Variants in DNAH14 observed in about 807,000 individuals in gnomAD.
The protein encoded by DNAH14 is axonemal beta dynein heavy chain 14.
A neutral mutation model predicts 520.9 loss-of-function variants in DNAH14; 478 were observed. The ratio of observed to expected loss-of-function variants is 0.92; its 90% CI spans 0.85 to 0.99. The LOEUF is 0.99. Ranked by LOEUF, DNAH14 falls within the 50% of genes least tolerant of loss-of-function variation. The pLI, the probability that DNAH14 is intolerant of heterozygous loss-of-function variation, is 0.00. For synonymous variants in DNAH14, 1,581 were observed against 1,757.2 expected (o/e 0.90, Z 2.51); for missense variants, 4,831 against 5,234.5 (o/e 0.92, Z 2.38).
At chr1:225,392,553 C>T (rs2095933277) in intron 84 of DNAH14, 102 bp downstream of exon 84, 2 of 1,396,648 alleles carry the variant, frequency 1.4e-6, no homozygotes, top group African/African-American at 1.4e-5. Context: ...GCACTTACCA[C>T]ATGCCAGGCA....
intron 35 of DNAH14, among the ~76,000 whole-genome samples, chr1:225,159,832 AACTT>A (rs2081364550): frequency 6.6e-6 from 1 of 152,182 alleles, no homozygotes; most frequent in African/African-American, 2.4e-5. Context: ...ATTATGAAAA[AACTT>A]AAATTGTAAA....
At chr1:225,314,152 T>C (rs1238061870) in intron 60 of DNAH14, among the ~76,000 whole-genome samples, 1 of 152,222 alleles carries the variant, frequency 6.6e-6, no homozygotes, top group Non-Finnish European at 1.5e-5. Context: ...TTTAGGATAG[T>C]TAGCTCTTCT....
intron 55 of DNAH14, among the ~76,000 whole-genome samples, chr1:225,290,647 G>GTGTATATATA (rs1419920384): frequency 1.7e-5 from 1 of 57,570 alleles, no homozygotes; most frequent in Non-Finnish European, 3.2e-5. Context: ...GTGTGTGTGT[G>GTGTATATATA]TATATATATA....
chr1:225,374,145 C>CTATATATATATATAGATA (rs2095656299), intron 77 of DNAH14, among the ~76,000 whole-genome samples: 2 of 33,064 alleles, frequency 6.0e-5, no homozygotes, highest in Non-Finnish European at 1.0e-4. Context: ...TTGTGTCTTA[C>CTATATATATATATAGATA]TATATATATA....
intron 1 of DNAH14, among the ~76,000 whole-genome samples, chr1:224,936,821 A>G (rs1411445842): frequency 6.6e-6 from 1 of 151,982 alleles, no homozygotes; most frequent in African/African-American, 2.4e-5. Context: ...AATTCTCAAC[A>G]AAATTCTAGC....
At chr1:225,006,273 G>A (rs1379165182) in intron 9 of DNAH14, among the ~76,000 whole-genome samples, 2 of 152,124 alleles carry the variant, frequency 1.3e-5, no homozygotes, top group Non-Finnish European at 2.9e-5. Context: ...TGTACAAATT[G>A]TTTGTAAAAC....
At chr1:224,943,240 A>G in intron 1 of DNAH14, among the ~76,000 whole-genome samples, 1 of 152,166 alleles carries the variant, frequency 6.6e-6, no homozygotes, top group Middle Eastern at 3.2e-3. Flanking sequence ...GGGAGGGTGT[A>G]TGTGTCAAGG....
At chr1:225,329,190 A>AT (rs1417020210) in intron 64 of DNAH14, among the ~76,000 whole-genome samples, 1 of 152,174 alleles carries the variant, frequency 6.6e-6, no homozygotes, top group African/African-American at 2.4e-5. Flanking sequence ...ATCAGTGTAG[A>AT]TTTGACAAGG....
Position 225,290,105 on chromosome 1 carries a change from A to G in DNAH14, c.8469+23A>G, listed in dbSNP as rs2036497. Reference sequence around the variant, plus strand: ...CAAGTAAGTACTTTTTGTCTTTGCTATTTGCTGAAGTTTGATATCTATGTG... The same window carrying G: ...CAAGTAAGTACTTTTTGTCTTTGCTGTTTGCTGAAGTTTGATATCTATGTG... On this transcript the variant is annotated intron_variant, in intron 55 of 85. Coordinates refer to ENST00000682510, the MANE Select transcript of DNAH14 (RefSeq NM_001367479.1). 8.7e-3 allele frequency: 11,768 copies of G among 1,350,720 alleles called. 748 individuals are homozygous for G. In the African/African-American group the frequency reaches 0.14, roughly 16 times the overall value. 83.7% of individuals were successfully genotyped at this position (1,350,720 alleles called of 1,614,324 possible).
intron 36 of DNAH14, among the ~76,000 whole-genome samples, chr1:225,175,630 T>A (rs1285095384): frequency 4.0e-5 from 6 of 151,682 alleles, no homozygotes; most frequent in Non-Finnish European, 8.8e-5. Context: ...TATTCTCTCA[T>A]CTTTATTTTT....
intron 83 of DNAH14, among the ~76,000 whole-genome samples, chr1:225,390,332 G>A (rs961479762): frequency 6.6e-6 from 1 of 152,116 alleles, no homozygotes; most frequent in Non-Finnish European, 1.5e-5. Flanking sequence ...GTCCAGCAGC[G>A]AAGGCAGACA....
At chr1:224,930,512 C>A (rs945791639) in intron 1 of DNAH14, among the ~76,000 whole-genome samples, 4 of 152,130 alleles carry the variant, frequency 2.6e-5, no homozygotes, top group African/African-American at 9.7e-5. Flanking sequence ...TGCTGCCAGT[C>A]ATAAAAGAGT....
At chr1:225,257,903 ATG>A in intron 44 of DNAH14, 55 bp from the exon 45 acceptor site, 1 of 1,050,500 alleles carries the variant, frequency 9.5e-7, no homozygotes, top group East Asian at 2.8e-5. Flanking sequence ...AAAAAAAAAG[ATG>A]AGGTGAATAG....
At chr1:225,126,423 G>C (rs903916398) in intron 27 of DNAH14, among the ~76,000 whole-genome samples, 1 of 152,064 alleles carries the variant, frequency 6.6e-6, no homozygotes, top group African/African-American at 2.4e-5. Flanking sequence ...ACTTCTTCCT[G>C]GTTTAGTCTT....
intron 8 of DNAH14, among the ~76,000 whole-genome samples, chr1:224,982,500 G>A (rs1358380992): frequency 1.3e-5 from 2 of 152,154 alleles, no homozygotes; most frequent in Non-Finnish European, 1.5e-5. Flanking sequence ...GGTTTGGTTT[G>A]TTCTTGTTTC....
At chr1:225,280,735 A>T (rs1467943308) in intron 54 of DNAH14, among the ~76,000 whole-genome samples, 1 of 152,198 alleles carries the variant, frequency 6.6e-6, no homozygotes, top group Non-Finnish European at 1.5e-5. Flanking sequence ...GAAAATCATG[A>T]AGGCAGCAAG....
chr1:225,101,373 A>G (rs2075442402), intron 23 of DNAH14, among the ~76,000 whole-genome samples: 1 of 152,072 alleles, frequency 6.6e-6, no homozygotes, highest in African/African-American at 2.4e-5. Flanking sequence ...TCCAATGATA[A>G]TCTTTTAGTT....
Position 225,080,593 on chromosome 1 carries a change from G to A in DNAH14, c.2981G>A (p.Gly994Asp). 1 of 1,552,136 alleles carries A rather than the reference G, an allele frequency of 6.4e-7. No individual in the cohort carries two copies. ...IVLSEISDIE[G>D]DLTLRKKLWE... Reference sequence around the variant, plus strand: ...CTTTCAGAGATCTCTGACATTGAAGGTGACTTGACTTTGAGGAAAAAACTA... The same window carrying A: ...CTTTCAGAGATCTCTGACATTGAAGATGACTTGACTTTGAGGAAAAAACTA... The change falls in exon 19 of 86, where the codon GGT (glycine) becomes GAT (aspartate). Residue 994 changes from glycine to aspartate, a missense_variant. Transcript: ENST00000682510.
intron 21 of DNAH14, among the ~76,000 whole-genome samples, chr1:225,091,610 A>G (rs986372333): frequency 6.6e-6 from 1 of 152,130 alleles, no homozygotes; most frequent in African/African-American, 2.4e-5. Flanking sequence ...AAAGACTACT[A>G]CTGATCATTA....
Sources: gnomAD v4.1 joint callset for allele counts (sites outside exome capture counted in the v4.1 genomes callset) on GRCh38, gnomAD v4.1.1 for gene constraint, MANE v1.5 for transcripts, NCBI Gene and HGNC (gene_info 2026-07-23, HGNC 2026-07-21) for gene names.